KDM6A: variants seen among roughly 807,000 people sequenced by gnomAD.
The protein encoded by KDM6A is lysine-specific demethylase 6A.
A neutral mutation model predicts 117.6 loss-of-function variants in KDM6A; 11 were observed. The ratio of observed to expected loss-of-function variants is 0.09; its 90% CI spans 0.06 to 0.15. The LOEUF (loss-of-function observed/expected upper bound fraction) is 0.15. Ranked by LOEUF, KDM6A falls within the 10% of genes least tolerant of loss-of-function variation. The pLI is 1.00. For synonymous variants in KDM6A, 384 were observed against 396.1 expected (o/e 0.97, Z 0.36); for missense variants, 799 against 1,077.3 (o/e 0.74, Z 3.62).
intron 4 of KDM6A, among the ~76,000 whole-genome samples, chrX:44,992,942 A>G (rs141556598): frequency 1.2e-3 from 132 of 112,282 alleles, no homozygotes; most frequent in African/African-American, 4.0e-3. Context: ...GTCAATGCCT[A>G]TGCATACTCA....
At chrX:45,102,139 T>C (rs780418123) in intron 27 of KDM6A, among the ~76,000 whole-genome samples, 2 of 112,010 alleles carry the variant, frequency 1.8e-5, no homozygotes, top group Non-Finnish European at 3.8e-5. Flanking sequence ...ACATTGGTTT[T>C]AATTTTGACA....
intron 2 of KDM6A, among the ~76,000 whole-genome samples, chrX:44,882,720 A>C (rs1489207117): frequency 1.8e-5 from 2 of 111,811 alleles, no homozygotes; most frequent in Non-Finnish European, 3.8e-5. Flanking sequence ...CTGAATTTCA[A>C]ATATCAGAAT....
At chrX:45,018,261 G>T (rs1025152669) in intron 5 of KDM6A, among the ~76,000 whole-genome samples, 2 of 111,261 alleles carry the variant, frequency 1.8e-5, no homozygotes, top group African/African-American at 6.5e-5. Context: ...AGAAGATTGG[G>T]TCTATAAGGT....
At chrX:45,017,980 G>A (rs2042032160) in intron 5 of KDM6A, among the ~76,000 whole-genome samples, 1 of 111,827 alleles carries the variant, frequency 8.9e-6, no homozygotes, top group South Asian at 3.7e-4. Context: ...GTAAGGAAAA[G>A]CAGTGAAGTC....
At chrX:44,985,438 A>G (rs776457564) in intron 4 of KDM6A, among the ~76,000 whole-genome samples, 1 of 111,652 alleles carries the variant, frequency 9.0e-6, no homozygotes, top group South Asian at 3.8e-4. Flanking sequence ...CAGAACTTCC[A>G]ACACTATGTT....
At chrX:45,073,404 G>A (rs1015489709) in intron 18 of KDM6A, among the ~76,000 whole-genome samples, 4 of 111,710 alleles carry the variant, frequency 3.6e-5, no homozygotes, top group Non-Finnish European at 5.6e-5. Flanking sequence ...GAATGGGATT[G>A]CTGGGTCAAA....
intron 4 of KDM6A, among the ~76,000 whole-genome samples, chrX:44,997,132 A>G (rs749859942): frequency 8.9e-6 from 1 of 112,129 alleles, no homozygotes; most frequent in African/African-American, 3.2e-5. Context: ...TGCTGTCTGT[A>G]GGCGGCTTGT....
intron 2 of KDM6A, among the ~76,000 whole-genome samples, chrX:44,906,100 C>T (rs774741417): frequency 1.8e-5 from 2 of 111,789 alleles, no homozygotes; most frequent in South Asian, 7.4e-4. Flanking sequence ...TGTCCCTCAA[C>T]ATTTGGGCCT....
At chrX:44,976,917 C>G (rs149578458) in intron 4 of KDM6A, among the ~76,000 whole-genome samples, 4,248 of 111,174 alleles carry the variant, frequency 0.038, 209 homozygotes, top group African/African-American at 0.13. Context: ...CTTTTTTTCC[C>G]TATGTCTGTA....
chrX:44,965,429 C>G (rs2038958110), intron 3 of KDM6A, among the ~76,000 whole-genome samples: 1 of 112,158 alleles, frequency 8.9e-6, no homozygotes, highest in African/African-American at 3.2e-5. Flanking sequence ...TTAATGATTT[C>G]TAGCTTTGGA....
In KDM6A at chrX:45,110,170, G is replaced by C. The variant is rs2148306519; in HGVS notation, c.4253G>C (p.Ser1418Thr). ...TGCCAAGATTGTGCACGAAAAACAA[G>C]CGGAAACTTGGAAAACTTTGTGGTG... ...VHCQDCARKTSGNLENFVVLE... is the reference protein window; with the variant it reads ...VHCQDCARKTTGNLENFVVLE... The change falls in exon 29 of 30, where the codon AGC (serine) becomes ACC (threonine). Residue 1418 changes from serine (S) to threonine (T), a missense_variant. By Grantham distance (58) the Ser-to-Thr change is moderately conservative. This residue lies in a region of KDM6A where 291 missense variants were observed against 437.9 expected (regional missense o/e 0.66). Coordinates refer to ENST00000611820, the MANE Select transcript of KDM6A (RefSeq NM_001291415.2). The C allele has an allele frequency of 8.3e-7, 1 of 1,210,582 alleles. No homozygotes were observed. The highest frequency in any genetic ancestry group is 1.1e-6 in the Non-Finnish European group (1 of 894,656).
chrX:44,953,285 C>T (rs1016530395), intron 2 of KDM6A, among the ~76,000 whole-genome samples: 1 of 111,114 alleles, frequency 9.0e-6, no homozygotes, highest in African/African-American at 3.3e-5. Flanking sequence ...GATGATTCTA[C>T]CCAAGTAGGC....
At chrX:45,094,633 G>A (rs1247245875) in intron 27 of KDM6A, among the ~76,000 whole-genome samples, 1 of 111,766 alleles carries the variant, frequency 8.9e-6, no homozygotes, top group Non-Finnish European at 1.9e-5. Flanking sequence ...AACCGCTAAA[G>A]TCATACTCAA....
At chrX:45,083,189 AAT>A (rs1489497852) in intron 23 of KDM6A, among the ~76,000 whole-genome samples, 1 of 111,316 alleles carries the variant, frequency 9.0e-6, no homozygotes, top group East Asian at 2.8e-4. Flanking sequence ...AATTATATGA[AAT>A]AGTTACGTGA....
At chrX:44,962,669 CCAAT>C (rs937789527) in intron 3 of KDM6A, among the ~76,000 whole-genome samples, 2 of 111,676 alleles carry the variant, frequency 1.8e-5, no homozygotes, top group African/African-American at 6.6e-5. Context: ...TGTAATAAAA[CCAAT>C]CAAACAAAAT....
At chrX:45,063,040 T>C (rs907729260) in intron 16 of KDM6A, among the ~76,000 whole-genome samples, 7 of 111,526 alleles carry the variant, frequency 6.3e-5, no homozygotes, top group African/African-American at 2.3e-4. Flanking sequence ...AGGGCTTATT[T>C]AGTTTACAGG....
rs997617686 is a variant in KDM6A at position 45,060,589 on chromosome X, C to T, written c.1330-20C>T. ...AGAATATATAGAACCCTATTTTTGTCTTCCTTCTGTGATTCTTAGGCATGT... is the reference window on the plus strand; with the variant it reads ...AGAATATATAGAACCCTATTTTTGTTTTCCTTCTGTGATTCTTAGGCATGT... On this transcript the variant is annotated intron_variant, in intron 13 of 29. Coordinates refer to ENST00000611820, the MANE Select transcript of KDM6A (RefSeq NM_001291415.2). 6.8e-6 allele frequency: 7 copies of T among 1,034,746 alleles called. No homozygotes were observed. The highest frequency in any genetic ancestry group is 6.4e-5 in the Admixed American group (2 of 31,250). 85.3% of individuals were successfully genotyped at this position (1,034,746 alleles called of 1,213,427 possible). A position where few individuals can be genotyped will look rare whatever the true frequency, so the allele number is the denominator to read the frequency against.
intron 2 of KDM6A, among the ~76,000 whole-genome samples, chrX:44,906,749 C>T (rs1375670276): frequency 3.6e-5 from 4 of 111,354 alleles, no homozygotes; most frequent in African/African-American, 9.8e-5. Context: ...GTCTTCAACT[C>T]CTGTCCTCAA....
chrX:44,979,274 CTTCT>C (rs1358730723), intron 4 of KDM6A, among the ~76,000 whole-genome samples: 4 of 111,081 alleles, frequency 3.6e-5, no homozygotes, highest in Non-Finnish European at 7.6e-5. Context: ...CTTGTTTTTT[CTTCT>C]TTCTTGTTTT....
Sources: allele counts gnomAD v4.1 joint callset (sites outside exome capture counted in the v4.1 genomes callset), GRCh38; gene constraint gnomAD v4.1.1; regional missense constraint gnomAD v4.1.1; transcripts MANE v1.5; gene names NCBI Gene and HGNC (gene_info 2026-07-23, HGNC 2026-07-21).